Variants in SMCO1 observed in about 807,000 individuals in gnomAD.
SMCO1 encodes single-pass membrane and coiled-coil domain-containing protein 1.
SMCO1 carries 9 observed loss-of-function variants against 7.5 expected under a neutral mutation model. The ratio of observed to expected loss-of-function variants is 1.20; its 90% CI spans 0.72 to 2.09. The LOEUF (loss-of-function observed/expected upper bound fraction) is 2.09. SMCO1 is among the 30% of genes most tolerant of loss of function. The pLI is 0.00. For synonymous variants in SMCO1, 90 were observed against 93.8 expected (o/e 0.96, Z 0.23); for missense variants, 219 against 253.1 (o/e 0.87, Z 0.91).
intron 1 of SMCO1, among the ~76,000 whole-genome samples, chr3:196,513,368 C>T (rs1361993180): frequency 2.0e-5 from 3 of 151,678 alleles, no homozygotes; most frequent in East Asian, 1.9e-4. Flanking sequence ...CAGTGGCTCA[C>T]GCCTGTAATC....
rs1342531353 is a variant in SMCO1 at position 196,508,955 on chromosome 3, A to AG, written c.200+564_200+565insC. Reference sequence around the variant, plus strand: ...CCATCTCAAAAAAAAAAAAAAAAAGAAAAAAAAATTAATGCAAATAAGGCT... The same window carrying AG: ...CCATCTCAAAAAAAAAAAAAAAAAGAGAAAAAAAATTAATGCAAATAAGGCT... On this transcript the variant is annotated intron_variant, in intron 2 of 2. Coordinates refer to ENST00000397537, the MANE Select transcript of SMCO1 (RefSeq NM_001077657.3). 8.1e-3 allele frequency among the ~76,000 whole-genome samples: 1,055 copies of AG among 130,040 alleles called. 31 individuals are homozygous for AG. Among genetic ancestry groups the AG allele is most frequent in the African/African-American group, 0.044 (1,003 of 22,886 alleles). 85.3% of individuals were successfully genotyped at this position (130,040 alleles called of 152,430 possible). A position where few individuals can be genotyped will look rare whatever the true frequency, so the allele number is the denominator to read the frequency against.
chr3:196,515,987 GGATATATATAT>G (rs1166040792), upstream of SMCO1, among the ~76,000 whole-genome samples: 5 of 8,518 alleles, frequency 5.9e-4, no homozygotes, highest in African/African-American at 5.4e-3. Context: ...CAAGAGGATA[GGATATATATAT>G]ATATATATAT....
upstream of SMCO1, among the ~76,000 whole-genome samples, chr3:196,515,653 C>A (rs538057306): frequency 1.2e-4 from 18 of 152,134 alleles, no homozygotes; most frequent in Non-Finnish European, 2.4e-4. Flanking sequence ...TGCCCCAGAT[C>A]TTTTATGATG....
Position 196,515,303 on chromosome 3 carries a change from G to T in SMCO1, c.-94C>A. ...AGAATTTTCTGCGGTCTTCCTCTCA[G>T]CAACAGGCAGCAGTAGCAGGAGCGC... is the stretch of plus-strand genomic sequence containing the variant. On this transcript the variant is annotated 5_prime_UTR_variant, in exon 1 of 3. In the 5' UTR this introduces an upstream ATG that the reference lacks. Transcript: ENST00000397537. The T allele has an allele frequency of 1.1e-6, 1 of 901,738 alleles. No individual in the cohort carries two copies. The highest frequency in any genetic ancestry group is 1.8e-6 in the Non-Finnish European group (1 of 547,120). 55.9% of individuals were successfully genotyped at this position (901,738 alleles called of 1,614,324 possible).
intron 1 of SMCO1, among the ~76,000 whole-genome samples, chr3:196,510,314 G>A (rs1733184834): frequency 6.6e-6 from 1 of 152,076 alleles, no homozygotes; most frequent in Admixed American, 6.6e-5. Flanking sequence ...TTACTTTGGT[G>A]TTCACAGCAA....
intron 1 of SMCO1, among the ~76,000 whole-genome samples, chr3:196,512,141 A>G (rs965597126): frequency 1.3e-5 from 2 of 150,358 alleles, no homozygotes; most frequent in African/African-American, 4.9e-5. Context: ...GTTATGAGGG[A>G]AACTTGCCTG....
rs1733076242 is a variant in SMCO1 at position 196,507,495 on chromosome 3, CT to C, written c.*391del. ...AAAGACTTCCTCTTGTCTTTGACCC[CT>C]AGCCTCTTAGCTTTCTTTCCTGACA... On this transcript the variant is annotated 3_prime_UTR_variant, in exon 3 of 3. Coordinates refer to ENST00000397537, the MANE Select transcript of SMCO1 (RefSeq NM_001077657.3). 6.6e-6 allele frequency: 1 copy of C among 152,310 alleles called. No homozygotes were observed. The highest frequency in any genetic ancestry group is 2.1e-4 in the South Asian group (1 of 4,830). The allele number at this position is 152,310 out of a possible 1,614,324, so 9.4% of individuals were successfully genotyped here.
intron 1 of SMCO1, among the ~76,000 whole-genome samples, chr3:196,512,471 A>G (rs1444442128): frequency 6.6e-6 from 1 of 150,950 alleles, no homozygotes. Flanking sequence ...ACCTTCAGGT[A>G]CTACATCTCT....
At chr3:196,515,811 G>A (rs958601358), upstream of SMCO1, among the ~76,000 whole-genome samples, 1 of 150,788 alleles carries the variant, frequency 6.6e-6, no homozygotes, top group African/African-American at 2.4e-5. Flanking sequence ...GACCAGCCTG[G>A]GCCACAGAGC....
At chr3:196,516,643 C>G (rs543251522), upstream of SMCO1, among the ~76,000 whole-genome samples, 1 of 152,228 alleles carries the variant, frequency 6.6e-6, no homozygotes, top group South Asian at 2.1e-4. Context: ...AATGGATGAG[C>G]AGCACTATTC....
chr3:196,511,390 C>A (rs1231201579), intron 1 of SMCO1, among the ~76,000 whole-genome samples: 1 of 136,910 alleles, frequency 7.3e-6, no homozygotes, highest in African/African-American at 2.7e-5. Context: ...CCTAGATTGT[C>A]CTTATGAGGG....
chr3:196,515,030 G>A lies in SMCO1; in HGVS notation c.50+130C>T, dbSNP rs116317717. The A allele has an allele frequency of 1.1e-3, 1,205 of 1,144,520 alleles. 13 individuals are homozygous for A. The African/African-American group carries it at 0.017, about 16-fold the overall frequency. 70.9% of individuals were successfully genotyped at this position (1,144,520 alleles called of 1,614,324 possible). A position where few individuals can be genotyped will look rare whatever the true frequency, so the allele number is the denominator to read the frequency against. On this transcript the variant is annotated intron_variant, in intron 1 of 2. Coordinates refer to ENST00000397537, the MANE Select transcript of SMCO1 (RefSeq NM_001077657.3). ...GCTGGGATTACAGGTGTGAGCCACC[G>A]CACCGGCCACAGAGACAGAATTCTA...
In SMCO1 at chr3:196,515,196, G is replaced by T. The variant is rs377153433; in HGVS notation, c.14C>A (p.Thr5Asn). 3.1e-6 allele frequency: 5 copies of T among 1,613,210 alleles called. No individual in the cohort carries two copies. The highest frequency in any genetic ancestry group is 4.2e-6 in the Non-Finnish European group (5 of 1,179,314). Residue 5 changes from threonine (T) to asparagine (N), a missense_variant, in exon 1 of 3, where the codon ACC (threonine) becomes AAC (asparagine). Thr to Asn is a moderately conservative substitution (Grantham distance 65). Transcript: ENST00000397537. MNNE[T>N]TTLISLKEAM... The stretch of plus-strand genomic sequence containing the variant: ...CTCCTTCAAGGATATCAGGGTTGTG[G>T]TTTCATTGTTCATCTTCTGAAGGCA...
At chr3:196,514,948 G>A (rs1239260454) in intron 1 of SMCO1, among the ~76,000 whole-genome samples, 4 of 152,084 alleles carry the variant, frequency 2.6e-5, no homozygotes, top group Non-Finnish European at 4.4e-5. Flanking sequence ...CACCATGTTC[G>A]CCAGGCTGGT....
chr3:196,516,120 T>C (rs1467643140), upstream of SMCO1, among the ~76,000 whole-genome samples: 1 of 144,962 alleles, frequency 6.9e-6, no homozygotes, highest in Non-Finnish European at 1.5e-5. Flanking sequence ...TAATTATATA[T>C]ATATTAGATT....
rs1733086788 is a variant in SMCO1 at position 196,507,754 on chromosome 3, C to T, written c.*133G>A. 1.6e-6 allele frequency: 1 copy of T among 618,616 alleles called. No homozygotes were observed. Among genetic ancestry groups the T allele is most frequent in the Non-Finnish European group, 2.8e-6 (1 of 351,684 alleles). 38.3% of individuals were successfully genotyped at this position (618,616 alleles called of 1,614,324 possible). On this transcript the variant is annotated 3_prime_UTR_variant, in exon 3 of 3. Coordinates refer to ENST00000397537, the MANE Select transcript of SMCO1 (RefSeq NM_001077657.3). The stretch of plus-strand genomic sequence containing the variant: ...GCTGCAAAGAAAGTATCTATTGTAT[C>T]AATTTGTCATAATTTATTTAACATC...
upstream of SMCO1, among the ~76,000 whole-genome samples, chr3:196,517,104 C>CAAAAAAAAAAAAAAAAAAAA (rs56104987): frequency 2.8e-5 from 1 of 35,738 alleles, no homozygotes; most frequent in African/African-American, 1.6e-4. Flanking sequence ...GACTCCATCG[C>CAAAAAAAAAAAAAAAAAAAA]AAAAAAAAAA....
chr3:196,514,664 T>C lies in SMCO1; in HGVS notation c.50+496A>G, dbSNP rs148112280. ...TAGCATATGCATACATTCAATGGAG[T>C]TACAGCACCTGGGAGCAGACTTTTC... On this transcript the variant is annotated intron_variant, in intron 1 of 2. Transcript: ENST00000397537. Among the ~76,000 whole-genome samples the C allele has an allele frequency of 5.0e-3, 757 of 152,320 alleles. 10 individuals carry two copies. The highest frequency in any genetic ancestry group is 0.017 in the African/African-American group (695 of 41,564).
At chr3:196,509,375 T>C (rs1413106078) in intron 2 of SMCO1, 145 bp downstream of exon 2, 5 of 816,416 alleles carry the variant, frequency 6.1e-6, no homozygotes, top group Middle Eastern at 2.4e-4. Flanking sequence ...AATTAATCTT[T>C]TTTTAAAAAA....
Sources: gnomAD v4.1 joint callset for allele counts (sites outside exome capture counted in the v4.1 genomes callset) on GRCh38, gnomAD v4.1.1 for gene constraint, MANE v1.5 for transcripts, NCBI Gene and HGNC (gene_info 2026-07-23, HGNC 2026-07-21) for gene names.